Variants in CADM3 observed in about 807,000 individuals in gnomAD.
CADM3 encodes the protein cell adhesion molecule 3, also known as TSLC1-like 1.
CADM3 carries 11 observed loss-of-function variants against 44.9 expected under a neutral mutation model. The ratio of observed to expected loss-of-function variants is 0.25; its 90% CI spans 0.15 to 0.41. CADM3 has a LOEUF of 0.41. CADM3 is among the 10% of genes least tolerant of loss of function. The probability of loss-of-function intolerance (pLI) is 1.00; values close to 1 mark genes in which losing one functional copy is unlikely to be tolerated. For synonymous variants in CADM3, 207 were observed against 205.2 expected (o/e 1.01, Z -0.08); for missense variants, 426 against 512.0 (o/e 0.83, Z 1.62).
In CADM3 at chr1:159,196,655, T is replaced by C; in HGVS notation, c.782+201T>C. ...AGGGGCCACTCCCTAACTCAGTCCC[T>C]GAGTTTCCCACAAAGGCCAAGTTAA... On this transcript the variant is annotated intron_variant, in intron 6 of 8. Transcript: ENST00000368125. 6.3e-6 allele frequency: 4 copies of C among 635,106 alleles called. No individual in the cohort carries two copies. The South Asian group carries it at 8.0e-5, about 13-fold the overall frequency. 39.3% of individuals were successfully genotyped at this position (635,106 alleles called of 1,614,324 possible).
At chr1:159,175,694 C>T (rs555768271) in intron 1 of CADM3, among the ~76,000 whole-genome samples, 17 of 152,254 alleles carry the variant, frequency 1.1e-4, no homozygotes, top group Non-Finnish European at 2.1e-4. Context: ...CAGCTTACTA[C>T]CCTTAGGCTC....
At chr1:159,180,759 G>A (rs1354399742) in intron 1 of CADM3, among the ~76,000 whole-genome samples, 3 of 152,080 alleles carry the variant, frequency 2.0e-5, no homozygotes, top group African/African-American at 7.2e-5. Context: ...CCAGTGAAGG[G>A]AAACAGTAAA....
At chr1:159,187,463 G>A (rs1480035386) in intron 1 of CADM3, among the ~76,000 whole-genome samples, 2 of 152,190 alleles carry the variant, frequency 1.3e-5, no homozygotes, top group Non-Finnish European at 2.9e-5. Flanking sequence ...GTGCCTTTAG[G>A]TAAGTAATTG....
Position 159,197,040 on chromosome 1 carries a change from A to C in CADM3, c.932A>C (p.Tyr311Ser), listed in dbSNP as rs766415491. ...ATSNMGSYKA[Y>S]YTLNVNDPSP... ...AGCAACATGGGCAGCTACAAGGCCTACTACACCCTCAATGTTAATGGTAAG... is the reference window on the plus strand; with the variant it reads ...AGCAACATGGGCAGCTACAAGGCCTCCTACACCCTCAATGTTAATGGTAAG... Residue 311 changes from tyrosine to serine, a missense_variant, in exon 7 of 9, where the codon TAC (tyrosine) becomes TCC (serine). Transcript: ENST00000368125. The C allele has an allele frequency of 6.2e-7, 1 of 1,614,126 alleles. No homozygotes were observed. The highest frequency in any genetic ancestry group is 8.5e-7 in the Non-Finnish European group (1 of 1,179,976).
chr1:159,185,321 T>C (rs1649378950), intron 1 of CADM3, among the ~76,000 whole-genome samples: 1 of 152,216 alleles, frequency 6.6e-6, no homozygotes, highest in Non-Finnish European at 1.5e-5. Flanking sequence ...AGGTGAATGT[T>C]GTAAATATTG....
At chr1:159,181,392 T>C (rs550191425) in intron 1 of CADM3, among the ~76,000 whole-genome samples, 2 of 152,256 alleles carry the variant, frequency 1.3e-5, no homozygotes, top group South Asian at 4.1e-4. Context: ...AATGAGGAGA[T>C]GGGATAAACA....
chr1:159,190,651 G>A (rs541094433), intron 1 of CADM3, among the ~76,000 whole-genome samples: 1 of 152,156 alleles, frequency 6.6e-6, no homozygotes, highest in African/African-American at 2.4e-5. Flanking sequence ...ACTCCAGCAC[G>A]CACATCTTCA....
chr1:159,201,046 C>T lies in CADM3; in HGVS notation c.*124C>T, dbSNP rs1650174538. On this transcript the variant is annotated 3_prime_UTR_variant, in exon 9 of 9. Coordinates refer to ENST00000368125, the MANE Select transcript of CADM3 (RefSeq NM_001127173.3). Reference sequence around the variant, plus strand: ...TCCCGCTTGCTCCCCAGCCCACCCACCCCCCTGTACAGAATGTCTGCTTTG... The same window carrying T: ...TCCCGCTTGCTCCCCAGCCCACCCATCCCCCTGTACAGAATGTCTGCTTTG... 1 of 494,374 alleles carries T rather than the reference C, an allele frequency of 2.0e-6. No individual in the cohort carries two copies. Among genetic ancestry groups the T allele is most frequent in the South Asian group, 3.8e-5 (1 of 25,992 alleles). 30.6% of individuals were successfully genotyped at this position (494,374 alleles called of 1,614,324 possible).
intron 1 of CADM3, among the ~76,000 whole-genome samples, chr1:159,174,664 C>T (rs1226152962): frequency 6.6e-6 from 1 of 152,224 alleles, no homozygotes; most frequent in Non-Finnish European, 1.5e-5. Flanking sequence ...ATAACTAAGA[C>T]TGGCCATGAG....
At chr1:159,196,870 C>G (rs764961894) in intron 6 of CADM3, 21 bp from the exon 7 acceptor site, 11 of 1,611,912 alleles carry the variant, frequency 6.8e-6, no homozygotes, top group Non-Finnish European at 9.3e-6. Context: ...CTGAGCTCTT[C>G]TGATTTGTCT....
rs1266130711 is a variant in CADM3, at chr1:159,193,540, A to G, written c.500A>G (p.Lys167Arg). 1 of 1,614,096 alleles carries G rather than the reference A, an allele frequency of 6.2e-7. No homozygotes were observed. The highest frequency in any genetic ancestry group is 2.2e-5 in the East Asian group (1 of 44,892). ...SKPAARLTWRKGDQELHGEPT... is the reference protein window; with the variant it reads ...SKPAARLTWRRGDQELHGEPT... ...CCTGCAGCCCGGCTCACCTGGAGAA[A>G]GGGTGACCAAGAACTCCACGGTGAG... Residue 167 changes from lysine (K) to arginine (R), a missense_variant, in exon 4 of 9, where the codon AAG becomes AGG. Transcript: ENST00000368125.
Position 159,192,910 on chromosome 1 carries a change from T to C in CADM3, c.382+180T>C, listed in dbSNP as rs760995835. On this transcript the variant is annotated intron_variant, in intron 3 of 8. Transcript: ENST00000368125. ...AGAAATGGGTTTTAATCCTTTGTGC[T>C]CTACTTGCTGTTTGATCTAGGACAA... is the stretch of plus-strand genomic sequence containing the variant. 5.9e-5 allele frequency among the ~76,000 whole-genome samples: 9 copies of C among 152,236 alleles called. 1 individual carries two copies. Among genetic ancestry groups the C allele is most frequent in the Non-Finnish European group, 1.2e-4 (8 of 68,038 alleles).
rs1259334839 is a variant in CADM3 at position 159,192,064 on chromosome 1, G to A, written c.217G>A (p.Gly73Arg). The change falls in exon 2 of 9, where the codon GGG becomes AGG. Residue 73 changes from glycine (G) to arginine (R), a missense_variant. Gly to Arg is a moderately radical substitution (Grantham distance 125). Around this residue, in one of 2 missense-constraint regions of CADM3, gnomAD observed 362 missense variants for 474.6 expected, o/e 0.76. Coordinates refer to ENST00000368125, the MANE Select transcript of CADM3 (RefSeq NM_001127173.3). Reference protein sequence around the residue: ...SNPAQQTLYFGEKRALRDNRI... With the variant: ...SNPAQQTLYFREKRALRDNRI... ...CCCTGCTCAGCAGACTCTCTACTTT[G>A]GGGAGAAGAGAGGTAGTATCTCATG... 6.2e-7 allele frequency: 1 copy of A among 1,613,988 alleles called. No homozygotes were observed. The highest frequency in any genetic ancestry group is 1.3e-5 in the African/African-American group (1 of 75,022).
At chr1:159,191,831 C>A (rs1166259148) in intron 1 of CADM3, 105 bp from the exon 2 acceptor site, 5 of 1,378,960 alleles carry the variant, frequency 3.6e-6, no homozygotes, top group South Asian at 1.3e-5. Context: ...ACCTTGTGTA[C>A]ACAAGGGCCT....
rs1571031516 is a variant in CADM3 at position 159,201,010 on chromosome 1, A to C, written c.*88A>C. 8.7e-6 allele frequency: 7 copies of C among 807,260 alleles called. No homozygotes were observed. In the East Asian group the frequency reaches 2.5e-4, roughly 29 times the overall value. 50.0% of individuals were successfully genotyped at this position (807,260 alleles called of 1,614,324 possible). On this transcript the variant is annotated 3_prime_UTR_variant, in exon 9 of 9. Transcript: ENST00000368125. ...ACCCGGACTTGTACAGAGCAACCGC[A>C]GGGCCGCCCCTCCCGCTTGCTCCCC...
At position 159,171,775 on chromosome 1, in the gene CADM3, C is replaced by A; in HGVS notation, c.10C>A (p.Pro4Thr). ...CCGGCCGGGAAGCGCGATGGGGGCC[C>A]CAGCCGCCTCGCTCCTGCTCCTGCT... MGA[P>T]AASLLLLLLL... The change falls in exon 1 of 9, where the codon CCA becomes ACA. Residue 4 changes from proline (P) to threonine (T), a missense_variant. Transcript: ENST00000368125. 3 of 1,238,746 alleles carry A rather than the reference C, an allele frequency of 2.4e-6. No homozygotes were observed. Among genetic ancestry groups the A allele is most frequent in the South Asian group, 4.1e-5 (1 of 24,558 alleles). The allele number at this position is 1,238,746 out of a possible 1,614,324, so 76.7% of individuals were successfully genotyped here.
rs1018835951 is a variant in CADM3 at position 159,201,682 on chromosome 1, C to G, written c.*760C>G. The G allele has an allele frequency of 1.3e-5, 2 of 152,374 alleles. No homozygotes were observed. The highest frequency in any genetic ancestry group is 2.4e-5 in the African/African-American group (1 of 41,434). 9.4% of individuals were successfully genotyped at this position (152,374 alleles called of 1,614,324 possible). A position where few individuals can be genotyped will look rare whatever the true frequency, so the allele number is the denominator to read the frequency against. ...AGGTGGACTCTCACCCCATTCCCCCCGGAAATGAACAAAGCCGGGCCCTTT... is the reference window on the plus strand; with the variant it reads ...AGGTGGACTCTCACCCCATTCCCCCGGGAAATGAACAAAGCCGGGCCCTTT... On this transcript the variant is annotated 3_prime_UTR_variant, in exon 9 of 9. Transcript: ENST00000368125.
At chr1:159,183,403 T>C (rs1237355227) in intron 1 of CADM3, among the ~76,000 whole-genome samples, 2 of 151,836 alleles carry the variant, frequency 1.3e-5, no homozygotes, top group Non-Finnish European at 2.9e-5. Context: ...AACAAGACTA[T>C]AGGAGGAAAA....
At chr1:159,189,636 C>T in intron 1 of CADM3, 1 of 657,756 alleles carries the variant, frequency 1.5e-6, no homozygotes, top group Non-Finnish European at 2.6e-6. Flanking sequence ...AGAACCCTAC[C>T]TTCTCTTAGG....
Sources: gnomAD v4.1 joint callset for allele counts (sites outside exome capture counted in the v4.1 genomes callset) on GRCh38, gnomAD v4.1.1 for gene constraint, gnomAD v4.1.1 regional missense constraint, MANE v1.5 for transcripts, NCBI Gene and HGNC (gene_info 2026-07-23, HGNC 2026-07-21) for gene names.